Variants in MARCHF1 observed in about 807,000 individuals in gnomAD.
The protein encoded by MARCHF1 is membrane associated ring-CH-type finger 1, also known as E3 ubiquitin-protein ligase MARCHF1.
In MARCHF1, 40 loss-of-function variants were observed where a neutral mutation model predicts 54.2. The observed-to-expected ratio is 0.74, with a 90% CI of 0.57 to 0.96. MARCHF1 has a LOEUF of 0.96. MARCHF1 is among the 40% of genes least tolerant of loss of function. The pLI is 0.00. For missense variants in MARCHF1, 586 were observed against 656.5 expected (o/e 0.89, Z 1.17); for synonymous variants, 236 against 236.3 (o/e 1.00, Z 0.01).
chr4:164,101,791 G>T (rs1471524055), intron 2 of MARCHF1, among the ~76,000 whole-genome samples: 8 of 149,486 alleles, frequency 5.4e-5, no homozygotes, highest in Non-Finnish European at 1.2e-4. Flanking sequence ...GAGAGAAGAA[G>T]GCTTCAGACG....
Position 163,916,991 on chromosome 4 carries a change from A to G in MARCHF1, c.-38-62822T>C, listed in dbSNP as rs145629369. Reference sequence around the variant, plus strand: ...AGTTTCATTGCCCTAAAAATCCTCTATTCTCCTCCTATTCATCTCCTCCCC... The same window carrying G: ...AGTTTCATTGCCCTAAAAATCCTCTGTTCTCCTCCTATTCATCTCCTCCCC... On this transcript the variant is annotated intron_variant, in intron 3 of 9. Coordinates refer to ENST00000514618, the MANE Select transcript of MARCHF1 (RefSeq NM_001394959.1). Among the ~76,000 whole-genome samples the G allele has an allele frequency of 7.3e-4, 111 of 152,114 alleles. 2 individuals carry two copies. The East Asian group carries it at 0.016, about 22-fold the overall frequency.
At chr4:163,539,200 T>C (rs1200349449) in intron 9 of MARCHF1, among the ~76,000 whole-genome samples, 8 of 152,042 alleles carry the variant, frequency 5.3e-5, no homozygotes, top group Non-Finnish European at 7.4e-5. Flanking sequence ...TTTGTATTTT[T>C]AGTAGAGACA....
intron 1 of MARCHF1, among the ~76,000 whole-genome samples, chr4:164,179,046 G>A (rs1411178409): frequency 1.3e-5 from 2 of 152,084 alleles, no homozygotes; most frequent in African/African-American, 2.4e-5. Flanking sequence ...CTGTGTTGGC[G>A]GGCAGTGTGG....
rs141618636 is a variant in MARCHF1, at chr4:163,564,986, C to T, written c.1192-19243G>A. ...GGAAGGAACTCCCTAAACTGGGCCT[C>T]GACTCTTAAAAAGAAGAAAAATATA... On this transcript the variant is annotated intron_variant, in intron 8 of 9. Transcript: ENST00000514618. Among the ~76,000 whole-genome samples, 717 of 152,006 alleles carry T rather than the reference C, an allele frequency of 4.7e-3. 5 individuals are homozygous for T. The highest frequency in any genetic ancestry group is 5.3e-3 in the Non-Finnish European group (357 of 67,976).
At chr4:163,997,212 T>C (rs1374633868) in intron 2 of MARCHF1, among the ~76,000 whole-genome samples, 1 of 151,944 alleles carries the variant, frequency 6.6e-6, no homozygotes, top group Non-Finnish European at 1.5e-5. Flanking sequence ...GAACCAGTGT[T>C]TGCATTTTAT....
intron 1 of MARCHF1, among the ~76,000 whole-genome samples, chr4:164,221,614 G>C (rs912256240): frequency 7.3e-5 from 11 of 151,526 alleles, no homozygotes; most frequent in African/African-American, 2.4e-4. Flanking sequence ...TTTTTACATA[G>C]ACATTTGGAG....
chr4:164,051,274 A>G (rs1754358932), intron 2 of MARCHF1, among the ~76,000 whole-genome samples: 1 of 152,208 alleles, frequency 6.6e-6, no homozygotes, highest in African/African-American at 2.4e-5. Context: ...TAATATATCT[A>G]CATGATGTAA....
At chr4:164,223,948 T>C (rs2111159839) in intron 1 of MARCHF1, among the ~76,000 whole-genome samples, 1 of 147,928 alleles carries the variant, frequency 6.8e-6, no homozygotes, top group East Asian at 2.0e-4. Flanking sequence ...CAGGGCACCA[T>C]CTAGTATGAC....
At chr4:163,845,142 A>G (rs1391443732) in intron 4 of MARCHF1, among the ~76,000 whole-genome samples, 1 of 152,164 alleles carries the variant, frequency 6.6e-6, no homozygotes, top group East Asian at 1.9e-4. Flanking sequence ...TGGAAAAAGC[A>G]TTACAATATT....
chr4:164,165,958 C>A (rs1443546788), intron 1 of MARCHF1, among the ~76,000 whole-genome samples: 1 of 151,794 alleles, frequency 6.6e-6, no homozygotes, highest in East Asian at 1.9e-4. Flanking sequence ...TTTTTCATTT[C>A]ATGTTTGCTT....
intron 2 of MARCHF1, among the ~76,000 whole-genome samples, chr4:164,005,339 C>T (rs999379819): frequency 6.6e-6 from 1 of 152,112 alleles, no homozygotes. Flanking sequence ...CAACAGACTT[C>T]CAGTTTTAAA....
chr4:163,998,581 C>CA (rs1456295907), intron 2 of MARCHF1, among the ~76,000 whole-genome samples: 3 of 151,728 alleles, frequency 2.0e-5, no homozygotes, highest in East Asian at 3.9e-4. Flanking sequence ...CCATTGTGTA[C>CA]AAAATAGATA....
chr4:163,728,613 T>C (rs140702148), intron 4 of MARCHF1, among the ~76,000 whole-genome samples: 1 of 152,318 alleles, frequency 6.6e-6, no homozygotes, highest in Admixed American at 6.5e-5. Flanking sequence ...ATTATTGGTA[T>C]AGAGGAAAGT....
At chr4:163,603,076 T>A (rs1229292657) in intron 7 of MARCHF1, among the ~76,000 whole-genome samples, 1 of 152,092 alleles carries the variant, frequency 6.6e-6, no homozygotes, top group Non-Finnish European at 1.5e-5. Context: ...AGAGAGCCAA[T>A]GGGCAAGTGA....
intron 1 of MARCHF1, among the ~76,000 whole-genome samples, chr4:164,337,139 G>A (rs529182616): frequency 1.3e-5 from 2 of 152,216 alleles, no homozygotes; most frequent in South Asian, 4.2e-4. Flanking sequence ...TATATTAGTA[G>A]TAAGCTATTG....
At position 163,528,446 on chromosome 4, in the gene MARCHF1, A is replaced by G. The variant is rs1243125172; in HGVS notation, c.*302T>C. The stretch of plus-strand genomic sequence containing the variant: ...GAAGAAGAGTATCATGGGTCCATTT[A>G]ATCTTTGATTACTGCCTAAAAGCAT... On this transcript the variant is annotated 3_prime_UTR_variant, in exon 10 of 10. Coordinates refer to ENST00000514618, the MANE Select transcript of MARCHF1 (RefSeq NM_001394959.1). 3.2e-6 allele frequency: 1 copy of G among 307,828 alleles called. No individual in the cohort carries two copies. The highest frequency in any genetic ancestry group is 6.2e-5 in the East Asian group (1 of 16,072). The allele number at this position is 307,828 out of a possible 1,614,324, so 19.1% of individuals were successfully genotyped here. A position where few individuals can be genotyped will look rare whatever the true frequency, so the allele number is the denominator to read the frequency against.
At chr4:164,340,693 C>T (rs1020359574) in intron 1 of MARCHF1, among the ~76,000 whole-genome samples, 7 of 151,432 alleles carry the variant, frequency 4.6e-5, no homozygotes, top group African/African-American at 1.7e-4. Context: ...AAAGTGCTGG[C>T]ATTACAGGCA....
intron 1 of MARCHF1, among the ~76,000 whole-genome samples, chr4:164,196,215 T>C (rs996213200): frequency 6.6e-6 from 1 of 152,160 alleles, no homozygotes; most frequent in Non-Finnish European, 1.5e-5. Flanking sequence ...AAAAAATGTA[T>C]AGATGCACAG....
intron 7 of MARCHF1, among the ~76,000 whole-genome samples, chr4:163,603,279 T>C (rs73870616): frequency 1.3e-5 from 2 of 152,016 alleles, no homozygotes; most frequent in Non-Finnish European, 2.9e-5. Context: ...TTCAGGTTCA[T>C]CTGAAGATAC....
Sources: gnomAD v4.1 joint callset for allele counts (sites outside exome capture counted in the v4.1 genomes callset) on GRCh38, gnomAD v4.1.1 for gene constraint, MANE v1.5 for transcripts, NCBI Gene and HGNC (gene_info 2026-07-23, HGNC 2026-07-21) for gene names.